Variants in IKZF1 observed in about 807,000 individuals in gnomAD.
The protein encoded by IKZF1 is DNA-binding protein Ikaros.
IKZF1 carries 10 observed loss-of-function variants against 51.7 expected under a neutral mutation model. The observed-to-expected ratio is 0.19, with a 90% confidence interval of 0.12 to 0.33. The LOEUF (loss-of-function observed/expected upper bound fraction) is 0.33. Ranked by LOEUF, IKZF1 falls within the 10% of genes least tolerant of loss-of-function variation. The probability of loss-of-function intolerance (pLI) is 1.00; values close to 1 mark genes in which losing one functional copy is unlikely to be tolerated. For synonymous variants in IKZF1, 280 were observed against 282.3 expected (o/e 0.99, Z 0.08); for missense variants, 484 against 707.5 (o/e 0.68, Z 3.58).
chr7:50,393,915 C>G (rs1815950200), intron 7 of IKZF1: 1 of 232,596 alleles, frequency 4.3e-6, no homozygotes, highest in African/African-American at 2.2e-5. Context: ...AGGTGAGGAG[C>G]CTGGAGAATG....
intron 3 of IKZF1, among the ~76,000 whole-genome samples, chr7:50,337,176 G>A (rs967968639): frequency 3.3e-5 from 5 of 152,082 alleles, no homozygotes; most frequent in Non-Finnish European, 7.4e-5. Context: ...GGAACCAAGG[G>A]AAGAAAGAAG....
intron 7 of IKZF1, 130 bp downstream of exon 7, chr7:50,391,993 T>C: frequency 9.5e-6 from 12 of 1,268,238 alleles, no homozygotes; most frequent in Non-Finnish European, 1.3e-5. Context: ...TTGGTAAGCT[T>C]AACATTCCTT....
Position 50,402,049 on chromosome 7 carries a change from AC to A in IKZF1, c.*1426del, listed in dbSNP as rs1287178868. ...GAGGCAAATGGCACTGCAGGTGAGA[AC>A]CCCGCCCATCCGTGCTATGACATGG... On this transcript the variant is annotated 3_prime_UTR_variant, in exon 8 of 8. Coordinates refer to ENST00000331340, the MANE Select transcript of IKZF1 (RefSeq NM_006060.6). The A allele has an allele frequency of 4.3e-6, 1 of 230,092 alleles. No individual in the cohort carries two copies. The highest frequency in any genetic ancestry group is 8.6e-6 in the Non-Finnish European group (1 of 116,094). The allele number at this position is 230,092 out of a possible 1,614,324, so 14.3% of individuals were successfully genotyped here.
intron 6 of IKZF1, among the ~76,000 whole-genome samples, chr7:50,390,562 A>G (rs1463718250): frequency 6.6e-6 from 1 of 152,254 alleles, no homozygotes; most frequent in Non-Finnish European, 1.5e-5. Context: ...CCAGCAAGCC[A>G]TAGTGAGGCA....
At chr7:50,345,610 G>A (rs1313700178) in intron 3 of IKZF1, among the ~76,000 whole-genome samples, 7 of 152,184 alleles carry the variant, frequency 4.6e-5, no homozygotes, top group African/African-American at 1.7e-4. Flanking sequence ...TAGGCAGAGG[G>A]GTGAACCAGA....
intron 7 of IKZF1, among the ~76,000 whole-genome samples, chr7:50,396,062 G>A (rs1026054193): frequency 2.0e-5 from 3 of 151,952 alleles, no homozygotes; most frequent in Non-Finnish European, 4.4e-5. Context: ...CTATTCATTC[G>A]GAATAAAAAA....
intron 2 of IKZF1, among the ~76,000 whole-genome samples, chr7:50,325,269 C>T (rs776576811): frequency 9.4e-5 from 13 of 138,358 alleles, no homozygotes; most frequent in Middle Eastern, 7.4e-3. Context: ...CCCAACCCCC[C>T]GCTGCCACCA....
rs975087653 is a variant in IKZF1 at position 50,324,973 on chromosome 7, A to C, written c.41-2665A>C. Among the ~76,000 whole-genome samples, 9 of 152,188 alleles carry C rather than the reference A, an allele frequency of 5.9e-5. 2 individuals carry two copies. On this transcript the variant is annotated intron_variant, in intron 2 of 7. Coordinates refer to ENST00000331340, the MANE Select transcript of IKZF1 (RefSeq NM_006060.6). ...AGGAGGAAAAGAGTCAATAAAGTTT[A>C]GTTTCTCAACCTCCCACCTCCACCC...
At chr7:50,382,185 A>C (rs533881886) in intron 4 of IKZF1, among the ~76,000 whole-genome samples, 2 of 152,086 alleles carry the variant, frequency 1.3e-5, no homozygotes, top group South Asian at 2.1e-4. Flanking sequence ...ACATTAAAAA[A>C]CCCCACCAAA....
chr7:50,375,191 T>A (rs930087048), intron 3 of IKZF1, among the ~76,000 whole-genome samples: 3 of 152,078 alleles, frequency 2.0e-5, no homozygotes, highest in Non-Finnish European at 4.4e-5. Flanking sequence ...GGAGGCCAAG[T>A]CAGGTGGATC....
rs1168353998 is a variant in IKZF1, at chr7:50,402,870, C to T, written c.*2243C>T. The T allele has an allele frequency of 4.3e-6, 1 of 229,952 alleles. No homozygotes were observed. Among genetic ancestry groups the T allele is most frequent in the Non-Finnish European group, 8.6e-6 (1 of 115,844 alleles). 14.2% of individuals were successfully genotyped at this position (229,952 alleles called of 1,614,324 possible). A position where few individuals can be genotyped will look rare whatever the true frequency, so the allele number is the denominator to read the frequency against. On this transcript the variant is annotated 3_prime_UTR_variant, in exon 8 of 8. Transcript: ENST00000331340. Reference sequence around the variant, plus strand: ...AGAGGATCAAGGGCTTTAGACAGCACTCCTTCAATATGCAATCACAGAGAA... The same window carrying T: ...AGAGGATCAAGGGCTTTAGACAGCATTCCTTCAATATGCAATCACAGAGAA...
At chr7:50,347,872 C>T (rs949815361) in intron 3 of IKZF1, among the ~76,000 whole-genome samples, 2 of 152,138 alleles carry the variant, frequency 1.3e-5, no homozygotes, top group African/African-American at 4.8e-5. Context: ...AATAGGTATG[C>T]GGACGGCTCT....
intron 3 of IKZF1, among the ~76,000 whole-genome samples, chr7:50,341,531 G>A (rs1173927808): frequency 3.9e-5 from 6 of 152,156 alleles, no homozygotes; most frequent in African/African-American, 1.4e-4. Context: ...AACAGTCATT[G>A]TTTGAGGGAC....
intron 6 of IKZF1, 40 bp from the exon 7 acceptor site, chr7:50,391,689 A>G (rs749385771): frequency 1.2e-6 from 2 of 1,611,714 alleles, no homozygotes; most frequent in South Asian, 1.1e-5. Context: ...CCCTTTAAAC[A>G]TAAGCCTTTC....
At position 50,402,604 on chromosome 7, in the gene IKZF1, T is replaced by C. The variant is rs1228001518; in HGVS notation, c.*1977T>C. ...TGAAGAATATTCCCAATATTCCCGG[T>C]CAGCAGTATCAAGGCTGACTTGTGT... is the stretch of plus-strand genomic sequence containing the variant. On this transcript the variant is annotated 3_prime_UTR_variant, in exon 8 of 8. Transcript: ENST00000331340. 8.6e-6 allele frequency: 2 copies of C among 231,900 alleles called. No homozygotes were observed. Among genetic ancestry groups the C allele is most frequent in the African/African-American group, 4.4e-5 (2 of 45,244 alleles). The allele number at this position is 231,900 out of a possible 1,614,324, so 14.4% of individuals were successfully genotyped here. A position where few individuals can be genotyped will look rare whatever the true frequency, so the allele number is the denominator to read the frequency against.
intron 2 of IKZF1, among the ~76,000 whole-genome samples, chr7:50,322,296 A>G (rs1406849347): frequency 1.3e-5 from 2 of 152,230 alleles, no homozygotes; most frequent in African/African-American, 2.4e-5. Flanking sequence ...ATGTTCCTAA[A>G]TCATCCTCTT....
chr7:50,357,178 C>A (rs1803679138), intron 3 of IKZF1, among the ~76,000 whole-genome samples: 1 of 152,036 alleles, frequency 6.6e-6, no homozygotes. Flanking sequence ...ATCCCAACCC[C>A]AGACCAGTTC....
rs536023717 is a variant in IKZF1, at chr7:50,356,932, C to T, written c.161-19601C>T. ...ACGGGGTGGCAGAAGGCCCGACTGT[C>T]CGGTCTTCTGGAAGCTGGGGTCTCG... is the stretch of plus-strand genomic sequence containing the variant. On this transcript the variant is annotated intron_variant, in intron 3 of 7. Transcript: ENST00000331340. 1.3e-3 allele frequency among the ~76,000 whole-genome samples: 190 copies of T among 151,586 alleles called. 1 individual carries two copies. The highest frequency in any genetic ancestry group is 4.3e-3 in the African/African-American group (178 of 41,240).
chr7:50,394,952 C>T (rs977493552), intron 7 of IKZF1, among the ~76,000 whole-genome samples: 6 of 151,994 alleles, frequency 3.9e-5, no homozygotes, highest in Admixed American at 6.6e-5. Flanking sequence ...GACTTGGGAA[C>T]GTTTTTAAAA....
Sources: gnomAD v4.1 joint callset for allele counts (sites outside exome capture counted in the v4.1 genomes callset) on GRCh38, gnomAD v4.1.1 for gene constraint, MANE v1.5 for transcripts, NCBI Gene and HGNC (gene_info 2026-07-23, HGNC 2026-07-21) for gene names.